The following LYRM4 variants were observed in gnomAD, a reference collection of about 807,000 sequenced individuals.
LYRM4 encodes the protein LYR motif-containing protein 4.
In LYRM4, 9 loss-of-function variants were observed where a neutral mutation model predicts 11.7. The observed-to-expected ratio is 0.77, with a 90% CI of 0.46 to 1.34. The LOEUF is 1.34. Ranked by LOEUF, LYRM4 falls within the 40% of genes most tolerant of loss-of-function variation. LYRM4 has a pLI of 0.00. For missense variants in LYRM4, 133 were observed against 112.5 expected (o/e 1.18, Z -0.82); for synonymous variants, 42 against 40.4 (o/e 1.04, Z -0.15).
intron 2 of LYRM4, among the ~76,000 whole-genome samples, chr6:5,172,915 A>G (rs1422876975): frequency 6.6e-6 from 1 of 152,218 alleles, no homozygotes; most frequent in Non-Finnish European, 1.5e-5. Flanking sequence ...ATTAGATGAT[A>G]AAAACAACCT....
At chr6:5,120,318 G>C (rs1282841072) in intron 2 of LYRM4, among the ~76,000 whole-genome samples, 1 of 152,178 alleles carries the variant, frequency 6.6e-6, no homozygotes, top group Non-Finnish European at 1.5e-5. Flanking sequence ...GGGCACACAT[G>C]TTAAGGCAGA....
intron 2 of LYRM4, among the ~76,000 whole-genome samples, chr6:5,189,357 T>C (rs1760618573): frequency 6.6e-6 from 1 of 152,168 alleles, no homozygotes; most frequent in East Asian, 1.9e-4. Flanking sequence ...CTAAGGTTAG[T>C]GCTTAGCCTA....
intron 2 of LYRM4, among the ~76,000 whole-genome samples, chr6:5,152,428 A>G (rs1361179619): frequency 6.6e-6 from 1 of 152,232 alleles, no homozygotes; most frequent in Non-Finnish European, 1.5e-5. Flanking sequence ...TACTAGATTA[A>G]ATAGGGGGCG....
chr6:5,114,256 G>A (rs1763021875), intron 2 of LYRM4, among the ~76,000 whole-genome samples: 1 of 152,212 alleles, frequency 6.6e-6, no homozygotes, highest in South Asian at 2.1e-4. Flanking sequence ...CTAAGACTGG[G>A]GGGCAGAAAG....
chr6:5,248,810 G>A (rs998107292), intron 1 of LYRM4, among the ~76,000 whole-genome samples: 2 of 152,142 alleles, frequency 1.3e-5, no homozygotes, highest in Non-Finnish European at 2.9e-5. Context: ...TCTATGCCCC[G>A]AACTACAGGT....
intron 1 of LYRM4, among the ~76,000 whole-genome samples, chr6:5,246,148 G>C (rs746400212): frequency 2.6e-5 from 4 of 152,196 alleles, no homozygotes; most frequent in African/African-American, 9.7e-5. Context: ...TAATAAGGAA[G>C]GAAAGTGTGT....
At chr6:5,077,511 G>A in the LYRM4 span, among the ~76,000 whole-genome samples, 8 of 152,120 alleles carry the variant, frequency 5.3e-5, 1 homozygote, top group South Asian at 4.1e-4. Context: ...ATCCTGTCAC[G>A]TGTATCAAGA....
At chr6:5,146,860 T>C (rs772533617) in intron 2 of LYRM4, among the ~76,000 whole-genome samples, 4 of 152,200 alleles carry the variant, frequency 2.6e-5, no homozygotes, top group Non-Finnish European at 5.9e-5. Flanking sequence ...AGACACACTG[T>C]TACATGAAAT....
At chr6:5,070,869 GAAAAAAAA>G in the LYRM4 span, among the ~76,000 whole-genome samples, 2 of 48,100 alleles carry the variant, frequency 4.2e-5, no homozygotes, top group Non-Finnish European at 8.5e-5. Flanking sequence ...ACCCTGTCTT[GAAAAAAAA>G]AAAAAAAAAA....
chr6:5,224,324 C>T (rs1477394522), intron 1 of LYRM4, among the ~76,000 whole-genome samples: 1 of 152,176 alleles, frequency 6.6e-6, no homozygotes, highest in African/African-American at 2.4e-5. Flanking sequence ...CAGCCTCAGT[C>T]ACAATCAAAC....
At chr6:5,232,355 TA>T (rs1484485569) in intron 1 of LYRM4, among the ~76,000 whole-genome samples, 90 of 152,254 alleles carry the variant, frequency 5.9e-4, no homozygotes, top group Non-Finnish European at 4.4e-5. Flanking sequence ...TCTCTAGAAA[TA>T]AAGATGCTAC....
intron 2 of LYRM4, among the ~76,000 whole-genome samples, chr6:5,190,278 A>G (rs1377790639): frequency 6.6e-6 from 1 of 152,112 alleles, no homozygotes; most frequent in Admixed American, 6.6e-5. Flanking sequence ...GAGAATGCTC[A>G]ACATTTTTAA....
intron 1 of LYRM4, among the ~76,000 whole-genome samples, chr6:5,251,300 G>C (rs575720597): frequency 8.5e-5 from 13 of 152,288 alleles, no homozygotes; most frequent in African/African-American, 1.9e-4. Context: ...CAAAGTGAAA[G>C]GTGCTTGTTA....
At chr6:5,250,426 C>G (rs1328845889) in intron 1 of LYRM4, among the ~76,000 whole-genome samples, 1 of 152,122 alleles carries the variant, frequency 6.6e-6, no homozygotes, top group Non-Finnish European at 1.5e-5. Context: ...TTTTCTCAAT[C>G]TAAATATCTT....
chr6:5,167,654 A>G (rs1759166148), intron 2 of LYRM4, among the ~76,000 whole-genome samples: 1 of 152,198 alleles, frequency 6.6e-6, no homozygotes, highest in Non-Finnish European at 1.5e-5. Flanking sequence ...CCTGTCAAGA[A>G]GGAGGCATTT....
At chr6:5,238,308 A>AAT in intron 1 of LYRM4, among the ~76,000 whole-genome samples, 1 of 152,238 alleles carries the variant, frequency 6.6e-6, no homozygotes, top group Admixed American at 6.5e-5. Context: ...AACAATGTTA[A>AAT]ATGATGGTAA....
intron 2 of LYRM4, among the ~76,000 whole-genome samples, chr6:5,202,262 C>T (rs1170392341): frequency 6.6e-6 from 1 of 152,224 alleles, no homozygotes; most frequent in Non-Finnish European, 1.5e-5. Context: ...AATTCTCCCA[C>T]AGGTAAAGGT....
chr6:5,052,258 C>T, the LYRM4 span, among the ~76,000 whole-genome samples: 1 of 152,220 alleles, frequency 6.6e-6, no homozygotes, highest in Admixed American at 6.5e-5. Flanking sequence ...GTTACTTCCA[C>T]TTTTTATTTT....
chr6:5,215,105 T>G (rs151217418), intron 2 of LYRM4, among the ~76,000 whole-genome samples: 15 of 151,600 alleles, frequency 9.9e-5, no homozygotes, highest in African/African-American at 3.6e-4. Context: ...CAATTAGATA[T>G]AGCGGGAGAA....
Sources: gnomAD v4.1 joint callset for allele counts (sites outside exome capture counted in the v4.1 genomes callset) on GRCh38, gnomAD v4.1.1 for gene constraint, MANE v1.5 for transcripts, NCBI Gene and HGNC (gene_info 2026-07-23, HGNC 2026-07-21) for gene names.